Variants in NOL4 observed in about 807,000 individuals in gnomAD.
NOL4 encodes nucleolar protein 4.
Under a neutral mutation model 75.9 loss-of-function variants are expected in NOL4, and 17 were observed. The ratio of observed to expected loss-of-function variants is 0.22; its 90% CI spans 0.15 to 0.34. The LOEUF is 0.34. NOL4 is among the 10% of genes least tolerant of loss of function. The probability of loss-of-function intolerance (pLI) is 1.00; values close to 1 mark genes in which losing one functional copy is unlikely to be tolerated. For synonymous variants in NOL4, 292 were observed against 289.9 expected, an observed-to-expected ratio of 1.01 and a Z score of -0.07; for missense variants, 614 against 793.5, an observed-to-expected ratio of 0.77 and a Z score of 2.72.
At chr18:33,962,749 AAT>A (rs2070250585) in intron 6 of NOL4, among the ~76,000 whole-genome samples, 1 of 152,112 alleles carries the variant, frequency 6.6e-6, no homozygotes, top group African/African-American at 2.4e-5. Flanking sequence ...TAATAAGCAT[AAT>A]ATATTTTGAA....
intron 2 of NOL4, among the ~76,000 whole-genome samples, chr18:34,113,360 C>T (rs1157678677): frequency 6.6e-6 from 1 of 152,152 alleles, no homozygotes; most frequent in African/African-American, 2.4e-5. Context: ...TACTGAAGTT[C>T]TTAGCATGGT....
At chr18:33,872,603 T>A (rs2048314818) in intron 10 of NOL4, among the ~76,000 whole-genome samples, 2 of 151,842 alleles carry the variant, frequency 1.3e-5, no homozygotes, top group African/African-American at 2.4e-5. Context: ...AAGAGTTGAG[T>A]TTGGAATCAG....
chr18:34,065,158 A>G (rs1315274081), intron 5 of NOL4, among the ~76,000 whole-genome samples: 5 of 151,966 alleles, frequency 3.3e-5, no homozygotes, highest in African/African-American at 7.2e-5. Flanking sequence ...AGAAACTAGC[A>G]TAGAAATCCA....
intron 2 of NOL4, among the ~76,000 whole-genome samples, chr18:34,114,960 T>A (rs1464158372): frequency 6.6e-6 from 1 of 152,020 alleles, no homozygotes; most frequent in African/African-American, 2.4e-5. Flanking sequence ...ACTTGAGTCA[T>A]GGGAAAGATT....
At chr18:34,150,036 A>C (rs1247372853) in intron 1 of NOL4, among the ~76,000 whole-genome samples, 1 of 151,538 alleles carries the variant, frequency 6.6e-6, no homozygotes, top group Non-Finnish European at 1.5e-5. Context: ...GCCTTGGGGA[A>C]TTTTCTTACA....
intron 1 of NOL4, among the ~76,000 whole-genome samples, chr18:34,150,539 A>T (rs2081596482): frequency 6.6e-6 from 1 of 151,784 alleles, no homozygotes; most frequent in Non-Finnish European, 1.5e-5. Context: ...CACGTGTGGA[A>T]AAAAGGAGTC....
At chr18:33,907,151 G>A (rs1007207938) in intron 9 of NOL4, among the ~76,000 whole-genome samples, 42 of 151,724 alleles carry the variant, frequency 2.8e-4, no homozygotes, top group African/African-American at 8.7e-4. Context: ...GTGAAACCCC[G>A]TCTCTACTAA....
At chr18:34,180,137 A>C (rs904911630) in intron 1 of NOL4, among the ~76,000 whole-genome samples, 4 of 151,630 alleles carry the variant, frequency 2.6e-5, no homozygotes, top group African/African-American at 4.8e-5. Flanking sequence ...AATGCATTCT[A>C]TAAGGCAAGT....
intron 9 of NOL4, among the ~76,000 whole-genome samples, chr18:33,923,795 A>G (rs1405036770): frequency 6.6e-6 from 1 of 152,230 alleles, no homozygotes; most frequent in Non-Finnish European, 1.5e-5. Flanking sequence ...AAGTATAGAC[A>G]AAGTACATAT....
chr18:33,894,238 T>C (rs2065267299), intron 9 of NOL4, among the ~76,000 whole-genome samples: 1 of 152,134 alleles, frequency 6.6e-6, no homozygotes. Context: ...TTAAAATGCT[T>C]TTCTGCTAAG....
chr18:33,870,659 A>G (rs1040441885), intron 10 of NOL4, among the ~76,000 whole-genome samples: 1 of 152,010 alleles, frequency 6.6e-6, no homozygotes, highest in Non-Finnish European at 1.5e-5. Context: ...CTTCACAATT[A>G]TGGATAAACT....
chr18:34,202,805 T>C (rs941905552), intron 1 of NOL4, among the ~76,000 whole-genome samples: 2 of 152,060 alleles, frequency 1.3e-5, no homozygotes, highest in Non-Finnish European at 1.5e-5. Context: ...ATTTAAAAAA[T>C]GGCTAGGATA....
intron 5 of NOL4, among the ~76,000 whole-genome samples, chr18:34,072,281 C>A (rs749670115): frequency 6.6e-6 from 1 of 151,914 alleles, no homozygotes; most frequent in African/African-American, 2.4e-5. Context: ...CTATTCAAAC[C>A]CTAATCATAA....
intron 6 of NOL4, among the ~76,000 whole-genome samples, chr18:33,997,622 G>A (rs571946687): frequency 5.4e-4 from 81 of 149,338 alleles, no homozygotes; most frequent in African/African-American, 2.0e-3. Flanking sequence ...TATACACTTC[G>A]CATATATACT....
intron 1 of NOL4, among the ~76,000 whole-genome samples, chr18:34,161,616 A>G (rs1480704150): frequency 6.6e-6 from 1 of 151,544 alleles, no homozygotes; most frequent in Non-Finnish European, 1.5e-5. Flanking sequence ...TTTTTTTTTC[A>G]TATACTTGTT....
At chr18:33,911,795 A>G (rs1456272109) in intron 9 of NOL4, among the ~76,000 whole-genome samples, 1 of 152,120 alleles carries the variant, frequency 6.6e-6, no homozygotes, top group African/African-American at 2.4e-5. Flanking sequence ...GTGGCTAAAA[A>G]CTGAAAAAAG....
intron 10 of NOL4, among the ~76,000 whole-genome samples, 166 bp downstream of exon 10, chr18:33,883,078 G>A (rs1405401895): frequency 4.6e-5 from 7 of 151,960 alleles, no homozygotes; most frequent in South Asian, 2.1e-4. Flanking sequence ...AGGGGGGAGC[G>A]ATAGCATTGG....
chr18:34,112,415 T>C (rs368148026), intron 2 of NOL4, among the ~76,000 whole-genome samples: 1 of 151,922 alleles, frequency 6.6e-6, no homozygotes, highest in Admixed American at 6.6e-5. Flanking sequence ...TACTGATGAA[T>C]GGATAAAGAA....
At chr18:34,137,009 C>T (rs2080920219) in intron 1 of NOL4, among the ~76,000 whole-genome samples, 1 of 152,048 alleles carries the variant, frequency 6.6e-6, no homozygotes. Flanking sequence ...TAAAGCCTTC[C>T]ATTTATTCAG....
Sources: allele counts gnomAD v4.1 joint callset (sites outside exome capture counted in the v4.1 genomes callset), GRCh38; gene constraint gnomAD v4.1.1; transcripts MANE v1.5; gene names NCBI Gene and HGNC (gene_info 2026-07-23, HGNC 2026-07-21).